ARHGEF2: variants seen among roughly 807,000 people sequenced by gnomAD.
ARHGEF2 encodes the protein rho guanine nucleotide exchange factor 2.
In ARHGEF2, 22 loss-of-function variants were observed where a neutral mutation model predicts 121.0. The ratio of observed to expected loss-of-function variants is 0.18; its 90% CI spans 0.13 to 0.26. The LOEUF (loss-of-function observed/expected upper bound fraction) is 0.26, where lower values mean the gene tolerates loss of function less well. Among genes scored for constraint, ARHGEF2 ranks in the 10% least tolerant of loss-of-function variants. ARHGEF2 has a pLI of 1.00. For missense variants in ARHGEF2, 907 were observed against 1,336.0 expected (o/e 0.68, Z 5.01); for synonymous variants, 487 against 530.0 (o/e 0.92, Z 1.11).
intron 13 of ARHGEF2, among the ~76,000 whole-genome samples, chr1:155,956,192 G>C (rs1389138018): frequency 6.6e-6 from 1 of 151,732 alleles, no homozygotes; most frequent in Non-Finnish European, 1.5e-5. Context: ...CTCCACCCCC[G>C]GGTTCAAGCG....
At chr1:155,966,528 A>G (rs775896171) in intron 3 of ARHGEF2, 49 bp from the exon 4 acceptor site, 4 of 1,601,746 alleles carry the variant, frequency 2.5e-6, no homozygotes, top group African/African-American at 2.7e-5. Flanking sequence ...CTGTCACCCA[A>G]GGATCACCCC....
rs556856188 is a variant in ARHGEF2 at position 155,950,137 on chromosome 1, T to C, written c.2887+162A>G. On this transcript the variant is annotated intron_variant, in intron 21 of 21. Coordinates refer to ENST00000361247, the MANE Select transcript of ARHGEF2 (RefSeq NM_001162383.2). This position sits in a 1 kb window ranked among gnomAD's most constrained non-coding sequence, Gnocchi z 5.2. ...GAGGAGAGAGGCCCCTCCTGCTTCCTAGACTTCCACCACCCATTCATCATC... is the reference window on the plus strand; with the variant it reads ...GAGGAGAGAGGCCCCTCCTGCTTCCCAGACTTCCACCACCCATTCATCATC... 81 of 848,520 alleles carry C rather than the reference T, an allele frequency of 9.5e-5. No individual in the cohort carries two copies. The highest frequency in any genetic ancestry group is 1.3e-4 in the Non-Finnish European group (71 of 548,604). 52.6% of individuals were successfully genotyped at this position (848,520 alleles called of 1,614,324 possible). A position where few individuals can be genotyped will look rare whatever the true frequency, so the allele number is the denominator to read the frequency against.
chr1:155,959,632 C>T (rs1677474065), intron 11 of ARHGEF2, among the ~76,000 whole-genome samples: 1 of 152,028 alleles, frequency 6.6e-6, no homozygotes, highest in Non-Finnish European at 1.5e-5. Context: ...GTGACCTCTG[C>T]CTCCTGAGTT....
intron 14 of ARHGEF2, 35 bp from the exon 15 acceptor site, chr1:155,952,863 C>T (rs754602033): frequency 2.4e-5 from 38 of 1,609,798 alleles, no homozygotes; most frequent in East Asian, 1.6e-4. Flanking sequence ...CATGAGAGGA[C>T]GTAGGGGTAT....
At chr1:155,955,842 A>G (rs1190557161) in intron 13 of ARHGEF2, among the ~76,000 whole-genome samples, 1 of 151,376 alleles carries the variant, frequency 6.6e-6, no homozygotes, top group Non-Finnish European at 1.5e-5. Flanking sequence ...CAGTCTCCCA[A>G]GCAGCTGGGA....
At chr1:155,963,492 C>T (rs778554851) in intron 7 of ARHGEF2, among the ~76,000 whole-genome samples, 15 of 150,852 alleles carry the variant, frequency 9.9e-5, no homozygotes, top group Non-Finnish European at 2.1e-4. Context: ...ATTACAGGCA[C>T]GCACCACCAG....
At chr1:155,954,862 T>C (rs1482744330) in intron 14 of ARHGEF2, 40 bp downstream of exon 14, 2 of 1,554,650 alleles carry the variant, frequency 1.3e-6, no homozygotes, top group African/African-American at 1.4e-5. Context: ...TGTGTGAATG[T>C]ATTATAAATT....
intron 13 of ARHGEF2, among the ~76,000 whole-genome samples, chr1:155,956,887 C>CA (rs34831517): frequency 0.73 from 59,073 of 80,442 alleles, 21,536 homozygotes; most frequent in East Asian, 0.85. Context: ...ACTCTGTCTC[C>CA]AAAAAAAAAA....
chr1:155,979,593 G>A (rs539634660), upstream of ARHGEF2, among the ~76,000 whole-genome samples: 118 of 152,332 alleles, frequency 7.7e-4, no homozygotes, highest in African/African-American at 2.7e-3. Flanking sequence ...CAGAGCCTTC[G>A]GTTAGCAGGG....
rs967982087 is a variant in ARHGEF2, at chr1:155,967,290, C to A, written c.209-403G>T. ...GGCACAGAGGCAGCCAGAATGGGGG[C>A]TAGGGGCAGAGGGGAAATTTACATT... On this transcript the variant is annotated intron_variant, in intron 2 of 21. Transcript: ENST00000361247. Among the ~76,000 whole-genome samples, 11 of 152,182 alleles carry A rather than the reference C, an allele frequency of 7.2e-5. 1 individual carries two copies. The South Asian group carries it at 1.0e-3, about 14-fold the overall frequency.
At chr1:155,963,215 C>T (rs1037139248) in intron 7 of ARHGEF2, 32 bp from the exon 8 acceptor site, 6 of 1,594,320 alleles carry the variant, frequency 3.8e-6, no homozygotes, top group Non-Finnish European at 5.1e-6. Flanking sequence ...TTGGCCTCTA[C>T]CCTGGCTTGG....
chr1:155,971,749 T>C (rs1167214555), intron 1 of ARHGEF2, among the ~76,000 whole-genome samples: 1 of 151,466 alleles, frequency 6.6e-6, no homozygotes, highest in Non-Finnish European at 1.5e-5. Flanking sequence ...ATGTATTACA[T>C]TTGAATTAAA....
chr1:155,968,279 G>GGACC (rs1272417139), intron 2 of ARHGEF2: 2 of 151,828 alleles, frequency 1.3e-5, no homozygotes, highest in African/African-American at 4.8e-5. Flanking sequence ...GCGTAGAAGG[G>GGACC]GACCCGAGCG....
In ARHGEF2 at chr1:155,950,452, G is replaced by A. The variant is rs1399101825; in HGVS notation, c.2734C>T (p.Pro912Ser). The A allele has an allele frequency of 6.2e-7, 1 of 1,613,860 alleles. No homozygotes were observed. Among genetic ancestry groups the A allele is most frequent in the Admixed American group, 1.7e-5 (1 of 60,014 alleles). Residue 912 changes from proline to serine, a missense_variant, in exon 21 of 22, where the codon CCT becomes TCT. Pro to Ser is a moderately conservative substitution (Grantham distance 74, BLOSUM62 -1). Transcript: ENST00000361247. This position sits in a 1 kb window ranked among gnomAD's most constrained non-coding sequence, Gnocchi z 5.2. ...PSRGTDRLDLPVTTRSVHRNF... is the reference protein window; with the variant it reads ...PSRGTDRLDLSVTTRSVHRNF... The stretch of plus-strand genomic sequence containing the variant: ...CGATGGACAGAGCGAGTAGTGACAG[G>A]TAGATCCAGGCGGTCAGTGCCTCGG...
chr1:155,947,875 A>G lies in ARHGEF2; in HGVS notation c.*67T>C, dbSNP rs1674636959. Reference sequence around the variant, plus strand: ...TGTTCCCTCATCATTGGCAAATTGGAGTCCCCAAGGTTAGCCCCCTCAGTA... The same window carrying G: ...TGTTCCCTCATCATTGGCAAATTGGGGTCCCCAAGGTTAGCCCCCTCAGTA... On this transcript the variant is annotated 3_prime_UTR_variant, in exon 22 of 22. Coordinates refer to ENST00000361247, the MANE Select transcript of ARHGEF2 (RefSeq NM_001162383.2). 1.1e-6 allele frequency: 1 copy of G among 911,154 alleles called. No individual in the cohort carries two copies. 56.4% of individuals were successfully genotyped at this position (911,154 alleles called of 1,614,324 possible).
rs982768522 is a variant in ARHGEF2 at position 155,961,954 on chromosome 1, T to C, written c.1220-45A>G. On this transcript the variant is annotated intron_variant, in intron 10 of 21. Coordinates refer to ENST00000361247, the MANE Select transcript of ARHGEF2 (RefSeq NM_001162383.2). The surrounding 1 kb of genome is among the most constrained non-coding windows in gnomAD (Gnocchi z 4.7). ...TGGGGAACGGCTCAACCAGTTTCAC[T>C]CACACCCCAGTTCCCATCGTGTCTT... 4 of 1,611,376 alleles carry C rather than the reference T, an allele frequency of 2.5e-6. No homozygotes were observed. Among genetic ancestry groups the C allele is most frequent in the Non-Finnish European group, 3.4e-6 (4 of 1,178,244 alleles).
In ARHGEF2 at chr1:155,970,567, A is replaced by C. The variant is rs994467810; in HGVS notation, c.64-1267T>G. ...CAGATGGCTGAGGGTAGAAGCCCCAAGTCAGAGGACCTGGACTGGGGACAG... is the reference window on the plus strand; with the variant it reads ...CAGATGGCTGAGGGTAGAAGCCCCACGTCAGAGGACCTGGACTGGGGACAG... On this transcript the variant is annotated intron_variant, in intron 1 of 21. Transcript: ENST00000361247. The C allele has an allele frequency of 4.5e-5, 44 of 985,386 alleles. No individual in the cohort carries two copies. The African/African-American group carries it at 7.3e-4, about 16-fold the overall frequency. 61.0% of individuals were successfully genotyped at this position (985,386 alleles called of 1,614,324 possible). A position where few individuals can be genotyped will look rare whatever the true frequency, so the allele number is the denominator to read the frequency against.
chr1:155,970,752 G>GTGTGGAGGGGCTGAGTCAAC, intron 1 of ARHGEF2: 1 of 985,786 alleles, frequency 1.0e-6, no homozygotes, highest in Non-Finnish European at 1.2e-6. Flanking sequence ...GAAAGGGGAA[G>GTGTGGAGGGGCTGAGTCAAC]TGTGGAGGGG....
chr1:155,951,018 C>G lies in ARHGEF2; in HGVS notation c.2514G>C (p.Arg838=). The G allele has an allele frequency of 1.2e-6, 2 of 1,606,062 alleles. No homozygotes were observed. The highest frequency in any genetic ancestry group is 1.7e-6 in the Non-Finnish European group (2 of 1,177,900). Residue 838 remains arginine (R), a synonymous_variant, in exon 20 of 22, where the codon CGG becomes CGC. Transcript: ENST00000361247. The surrounding 1 kb of genome is among the most constrained non-coding windows in gnomAD (Gnocchi z 5.1). The part of the protein sequence containing the change: ...RATEAGSLEA[R]LRESEQARAL... ...CCCGGGCCTGCTCACTCTCCCGGAGCCGGGCCTCCAGGCTGCCAGCTTCGG... is the reference window on the plus strand; with the variant it reads ...CCCGGGCCTGCTCACTCTCCCGGAGGCGGGCCTCCAGGCTGCCAGCTTCGG...
Sources: allele counts gnomAD v4.1 joint callset (sites outside exome capture counted in the v4.1 genomes callset), GRCh38; gene constraint gnomAD v4.1.1; non-coding constraint Gnocchi (gnomAD v3.1); transcripts MANE v1.5; gene names NCBI Gene and HGNC (gene_info 2026-07-23, HGNC 2026-07-21).